ATAD2B: variants seen among roughly 807,000 people sequenced by gnomAD.
The protein encoded by ATAD2B is ATPase family AAA domain-containing protein 2B.
In ATAD2B, 40 loss-of-function variants were observed where a neutral mutation model predicts 167.6. The ratio of observed to expected loss-of-function variants is 0.24; its 90% confidence interval spans 0.19 to 0.31. The LOEUF is 0.31. Among genes scored for constraint, ATAD2B ranks in the 10% least tolerant of loss-of-function variants. The pLI is 1.00. For synonymous variants in ATAD2B, 579 were observed against 596.5 expected (o/e 0.97, Z 0.43); for missense variants, 1,242 against 1,757.2 (o/e 0.71, Z 5.24).
intron 22 of ATAD2B, among the ~76,000 whole-genome samples, chr2:23,774,009 T>C (rs1678724748): frequency 6.6e-6 from 1 of 152,212 alleles, no homozygotes. Context: ...CTTTTGTAAT[T>C]GGTAAACTTT....
At position 23,840,749 on chromosome 2, in the gene ATAD2B, A is replaced by T. The variant is rs796934579; in HGVS notation, c.1569-6671T>A. On this transcript the variant is annotated intron_variant, in intron 13 of 27. Transcript: ENST00000238789. ...AATGTGGTGGTTCCAATTAATCTATAGAGCATTAAATGATTTTTTTGCTCA... is the reference window on the plus strand; with the variant it reads ...AATGTGGTGGTTCCAATTAATCTATTGAGCATTAAATGATTTTTTTGCTCA... Among the ~76,000 whole-genome samples the T allele has an allele frequency of 7.2e-5, 11 of 152,346 alleles. 1 individual carries two copies. Among genetic ancestry groups the T allele is most frequent in the African/African-American group, 2.6e-4 (11 of 41,584 alleles).
intron 1 of ATAD2B, among the ~76,000 whole-genome samples, chr2:23,907,322 C>T (rs557482219): frequency 2.0e-5 from 3 of 151,772 alleles, no homozygotes; most frequent in Non-Finnish European, 2.9e-5. Flanking sequence ...TATACACCAA[C>T]AACAGACAAA....
chr2:23,866,347 G>GT (rs1223240176), intron 10 of ATAD2B, among the ~76,000 whole-genome samples: 1 of 152,180 alleles, frequency 6.6e-6, no homozygotes, highest in African/African-American at 2.4e-5. Context: ...GGAGGTTGCG[G>GT]TAAGCTGAGA....
chr2:23,736,914 G>A, the ATAD2B span, among the ~76,000 whole-genome samples: 1 of 152,242 alleles, frequency 6.6e-6, no homozygotes, highest in Admixed American at 6.5e-5. Flanking sequence ...CTGGCTCGGA[G>A]GGTCCTATGC....
In ATAD2B at chr2:23,769,711, G is replaced by GATTT. The variant is rs199842019; in HGVS notation, c.3134-4084_3134-4083insAAAT. On this transcript the variant is annotated intron_variant, in intron 22 of 27. Coordinates refer to ENST00000238789, the MANE Select transcript of ATAD2B (RefSeq NM_017552.4). ...AAGTGTTTAATGGTGTCTCACTGTG[G>GATTT]GTTTTTTTTTTTTTTTTTTTTTGAG... 1.2e-4 allele frequency among the ~76,000 whole-genome samples: 16 copies of GATTT among 129,836 alleles called. 2 individuals are homozygous for GATTT. The highest frequency in any genetic ancestry group is 5.4e-5 in the African/African-American group (2 of 36,942). The allele number at this position is 129,836 out of a possible 152,430, so 85.2% of individuals were successfully genotyped here. A position where few individuals can be genotyped will look rare whatever the true frequency, so the allele number is the denominator to read the frequency against.
At chr2:23,718,007 T>C in the ATAD2B span, among the ~76,000 whole-genome samples, 2 of 152,248 alleles carry the variant, frequency 1.3e-5, no homozygotes, top group South Asian at 4.1e-4. Flanking sequence ...TTTTTTTAAG[T>C]AACAAAGAAA....
At chr2:23,755,062 T>C (rs1439911018) in intron 25 of ATAD2B, 1 of 200,748 alleles carries the variant, frequency 5.0e-6, no homozygotes, top group Non-Finnish European at 1.0e-5. Flanking sequence ...TCTTCACCTC[T>C]AAGCACTGAC....
chr2:23,709,493 G>C, the ATAD2B span, among the ~76,000 whole-genome samples: 2 of 152,222 alleles, frequency 1.3e-5, no homozygotes, highest in African/African-American at 4.8e-5. Context: ...AAGGTAGAGC[G>C]CCAGATGGGA....
At chr2:23,695,917 T>C in the ATAD2B span, 20 of 1,545,488 alleles carry the variant, frequency 1.3e-5, no homozygotes, top group Admixed American at 3.7e-4. The surrounding 1 kb of genome is among the most constrained non-coding windows in gnomAD (Gnocchi z 7.6). Flanking sequence ...AGTCTTAGAG[T>C]GTGTCCCAAG....
the ATAD2B span, among the ~76,000 whole-genome samples, chr2:23,719,144 A>G: frequency 1.3e-5 from 2 of 152,214 alleles, no homozygotes; most frequent in Admixed American, 1.3e-4. Context: ...CAATGGAAAC[A>G]CAGCCCACAG....
the ATAD2B span, among the ~76,000 whole-genome samples, chr2:23,702,831 C>G: frequency 6.6e-6 from 1 of 150,692 alleles, no homozygotes; most frequent in Non-Finnish European, 1.5e-5. Flanking sequence ...TGGGGCCTGG[C>G]TATAAAGCAA....
chr2:23,731,932 G>A, the ATAD2B span, among the ~76,000 whole-genome samples: 2 of 150,538 alleles, frequency 1.3e-5, no homozygotes, highest in South Asian at 4.2e-4. Context: ...AGATACGACT[G>A]TATAACTACA....
At chr2:23,734,027 T>C in the ATAD2B span, among the ~76,000 whole-genome samples, 1 of 152,226 alleles carries the variant, frequency 6.6e-6, no homozygotes, top group Non-Finnish European at 1.5e-5. Context: ...CTTTCATTTT[T>C]TGAGATGCCG....
chr2:23,696,129 C>G, the ATAD2B span: 1 of 1,551,144 alleles, frequency 6.4e-7, no homozygotes, highest in South Asian at 1.2e-5. The surrounding 1 kb of genome is among the most constrained non-coding windows in gnomAD (Gnocchi z 5.5). Context: ...ACATCTACCT[C>G]TCAGGTGAGG....
chr2:23,871,549 T>C (rs1350105612), intron 8 of ATAD2B, among the ~76,000 whole-genome samples: 1 of 152,222 alleles, frequency 6.6e-6, no homozygotes, highest in Non-Finnish European at 1.5e-5. Flanking sequence ...CTGTCTCCTT[T>C]TTCTTCCATT....
the ATAD2B span, among the ~76,000 whole-genome samples, chr2:23,726,833 G>C: frequency 9.9e-4 from 150 of 152,278 alleles, no homozygotes; most frequent in African/African-American, 3.5e-3. Flanking sequence ...CAAAGCTTCA[G>C]TTTTGCAAGA....
At chr2:23,815,657 A>G (rs1195013574) in intron 17 of ATAD2B, among the ~76,000 whole-genome samples, 4 of 152,326 alleles carry the variant, frequency 2.6e-5, no homozygotes, top group African/African-American at 4.8e-5. Flanking sequence ...AGATTAATAA[A>G]CCAAAAATTA....
At chr2:23,819,665 T>C (rs1687154076) in intron 17 of ATAD2B, 82 bp downstream of exon 17, 3 of 1,123,732 alleles carry the variant, frequency 2.7e-6, no homozygotes, top group Non-Finnish European at 1.2e-6. Context: ...GTTATAACCA[T>C]AAGTAAAAAT....
intron 10 of ATAD2B, 56 bp from the exon 11 acceptor site, chr2:23,864,980 T>A: frequency 9.3e-7 from 1 of 1,073,824 alleles, no homozygotes; most frequent in South Asian, 1.8e-5. Flanking sequence ...TTTATAGAAT[T>A]TTTAAAATTT....
Sources: allele counts gnomAD v4.1 joint callset (sites outside exome capture counted in the v4.1 genomes callset), GRCh38; gene constraint gnomAD v4.1.1; non-coding constraint Gnocchi (gnomAD v3.1); transcripts MANE v1.5; gene names NCBI Gene and HGNC (gene_info 2026-07-23, HGNC 2026-07-21).